Variants in SWAP70 observed in about 807,000 individuals in gnomAD.
SWAP70 encodes switch-associated protein 70.
SWAP70 carries 34 observed loss-of-function variants against 80.2 expected under a neutral mutation model. That is an observed-to-expected ratio of 0.42 (90% CI 0.32 to 0.56). SWAP70 has a LOEUF of 0.56. Among genes scored for constraint, SWAP70 ranks in the 20% least tolerant of loss-of-function variants. SWAP70 has a pLI of 0.09. For synonymous variants in SWAP70, 239 were observed against 238.5 expected (o/e 1.00, Z -0.02); for missense variants, 578 against 690.7 (o/e 0.84, Z 1.83).
chr11:9,735,531 A>C (rs1175245273), intron 7 of SWAP70, among the ~76,000 whole-genome samples: 1 of 152,240 alleles, frequency 6.6e-6, no homozygotes, highest in African/African-American at 2.4e-5. Context: ...ATGAATTCTC[A>C]GAAGTGGGAA....
intron 1 of SWAP70, among the ~76,000 whole-genome samples, chr11:9,670,834 A>G (rs1471782847): frequency 6.6e-6 from 1 of 151,656 alleles, no homozygotes; most frequent in Admixed American, 6.6e-5. Context: ...GCTCACTGCA[A>G]CCTTCACCTC....
intron 1 of SWAP70, among the ~76,000 whole-genome samples, chr11:9,669,390 T>C (rs1850346550): frequency 6.6e-6 from 1 of 152,170 alleles, no homozygotes; most frequent in Non-Finnish European, 1.5e-5. Flanking sequence ...CCACCATGTC[T>C]CGCTAATTTT....
chr11:9,731,255 G>T (rs1252468159), intron 6 of SWAP70, among the ~76,000 whole-genome samples: 1 of 152,148 alleles, frequency 6.6e-6, no homozygotes, highest in Non-Finnish European at 1.5e-5. Context: ...CTTAGACGTA[G>T]ATAAAATTAT....
At chr11:9,739,637 T>A (rs1851409810) in intron 8 of SWAP70, among the ~76,000 whole-genome samples, 1 of 152,220 alleles carries the variant, frequency 6.6e-6, no homozygotes, top group Non-Finnish European at 1.5e-5. Flanking sequence ...ACCATTAACG[T>A]ATACAGATTA....
rs1496477 is a variant in SWAP70, at chr11:9,713,645, G to T, written c.414+6G>T. 0.051 allele frequency: 82,435 copies of T among 1,609,194 alleles called. 4,933 individuals are homozygous for T. Among genetic ancestry groups the T allele is most frequent in the African/African-American group, 0.26 (19,198 of 74,696 alleles). ...TAATTATTGTGTCAGAAGAGGTAAG[G>T]TGTGGCTTGGGGAGTTTTTACTTGG... is the stretch of plus-strand genomic sequence containing the variant. On this transcript the variant is annotated splice_donor_region_variant and intron_variant, in intron 3 of 11. Coordinates refer to ENST00000318950, the MANE Select transcript of SWAP70 (RefSeq NM_015055.4).
intron 1 of SWAP70, among the ~76,000 whole-genome samples, chr11:9,688,923 G>C (rs1272000439): frequency 6.6e-6 from 1 of 151,620 alleles, no homozygotes; most frequent in Non-Finnish European, 1.5e-5. Flanking sequence ...AATTGGTCAT[G>C]CTGGTCCATT....
At chr11:9,713,365 T>A in intron 2 of SWAP70, 101 bp from the exon 3 acceptor site, 1 of 1,235,264 alleles carries the variant, frequency 8.1e-7, no homozygotes, top group Non-Finnish European at 1.1e-6. Flanking sequence ...TTGGATTGAT[T>A]AAAATGGGAG....
Position 9,688,235 on chromosome 11 carries a change from A to G in SWAP70, c.100-5911A>G, listed in dbSNP as rs572137258. Among the ~76,000 whole-genome samples the G allele has an allele frequency of 3.3e-5, 5 of 152,388 alleles. No homozygotes were observed. In the South Asian group the frequency reaches 1.0e-3, roughly 32 times the overall value. ...TCTTCTGGATTCTGGGCAGCATGCC[A>G]GGTGCCATGGGCATGCAATGTTGTA... is the stretch of plus-strand genomic sequence containing the variant. On this transcript the variant is annotated intron_variant, in intron 1 of 11. Coordinates refer to ENST00000318950, the MANE Select transcript of SWAP70 (RefSeq NM_015055.4).
At chr11:9,715,590 G>A (rs539001002) in intron 3 of SWAP70, among the ~76,000 whole-genome samples, 1 of 152,318 alleles carries the variant, frequency 6.6e-6, no homozygotes, top group South Asian at 2.1e-4. Context: ...CATGGCTGGG[G>A]AGGGCTTACA....
intron 7 of SWAP70, among the ~76,000 whole-genome samples, chr11:9,735,170 C>T (rs1851347526): frequency 1.3e-5 from 2 of 152,112 alleles, no homozygotes; most frequent in South Asian, 4.2e-4. Context: ...TCCCCCTCCC[C>T]CACTTATGAA....
rs534979851 is a variant in SWAP70 at position 9,675,934 on chromosome 11, A to G, written c.99+11656A>G. ...ACTTGATTTGCAATTGGATTGTTAA[A>G]TACAACTGATTGTCATGTTGATTTG... On this transcript the variant is annotated intron_variant, in intron 1 of 11. Transcript: ENST00000318950. Among the ~76,000 whole-genome samples, 3 of 151,444 alleles carry G rather than the reference A, an allele frequency of 2.0e-5. No individual in the cohort carries two copies. The East Asian group carries it at 5.8e-4, about 30-fold the overall frequency.
chr11:9,717,922 T>C (rs1851086524), intron 3 of SWAP70, among the ~76,000 whole-genome samples: 1 of 152,236 alleles, frequency 6.6e-6, no homozygotes, highest in Non-Finnish European at 1.5e-5. Context: ...TAAATCACCA[T>C]TGAGCCACAG....
At chr11:9,698,498 G>C (rs941613261) in intron 2 of SWAP70, among the ~76,000 whole-genome samples, 2 of 151,946 alleles carry the variant, frequency 1.3e-5, no homozygotes, top group Non-Finnish European at 2.9e-5. Flanking sequence ...TCTGCCTCCC[G>C]GGCTCAAGCC....
chr11:9,671,934 T>C (rs1467498534), intron 1 of SWAP70, among the ~76,000 whole-genome samples: 10 of 111,074 alleles, frequency 9.0e-5, no homozygotes, highest in Non-Finnish European at 1.5e-4. Flanking sequence ...AATTATATTT[T>C]ATAATATATT....
chr11:9,732,866 A>G (rs1029808686), intron 7 of SWAP70, among the ~76,000 whole-genome samples, 156 bp downstream of exon 7: 2 of 152,222 alleles, frequency 1.3e-5, no homozygotes, highest in Non-Finnish European at 2.9e-5. Flanking sequence ...CAGACCATCA[A>G]GTGAGACATA....
intron 2 of SWAP70, among the ~76,000 whole-genome samples, chr11:9,704,185 A>G (rs1270717009): frequency 1.3e-5 from 2 of 152,018 alleles, no homozygotes; most frequent in Non-Finnish European, 2.9e-5. Context: ...TTTACTGTCT[A>G]TATAGAGAGA....
rs1170634853 is a variant in SWAP70, at chr11:9,732,670, C to T, written c.1040C>T (p.Ala347Val). ...LERQMKELQA[A>V]NESKQQELEA... ...CGACAAATGAAGGAACTCCAGGCCG[C>T]CAACGAAAGCAAGCAGCAGGAGCTG... The change falls in exon 7 of 12, where the codon GCC becomes GTC. Residue 347 changes from alanine to valine, a missense_variant. Coordinates refer to ENST00000318950, the MANE Select transcript of SWAP70 (RefSeq NM_015055.4). 1 of 1,563,010 alleles carries T rather than the reference C, an allele frequency of 6.4e-7. No homozygotes were observed. The highest frequency in any genetic ancestry group is 1.2e-5 in the South Asian group (1 of 85,454).
At chr11:9,713,346 G>T in intron 2 of SWAP70, 120 bp from the exon 3 acceptor site, 10 of 1,004,050 alleles carry the variant, frequency 1.0e-5, no homozygotes, top group Non-Finnish European at 1.4e-5. Context: ...GGATATGGCT[G>T]TTGGTTAATT....
chr11:9,672,168 AAT>A (rs1254780306), intron 1 of SWAP70, among the ~76,000 whole-genome samples: 55 of 107,658 alleles, frequency 5.1e-4, no homozygotes, highest in Non-Finnish European at 7.6e-4. Flanking sequence ...AATATATTTA[AAT>A]ATATATATAC....
Sources: allele counts gnomAD v4.1 joint callset (sites outside exome capture counted in the v4.1 genomes callset), GRCh38; gene constraint gnomAD v4.1.1; transcripts MANE v1.5; gene names NCBI Gene and HGNC (gene_info 2026-07-23, HGNC 2026-07-21).